Variants in CADM2 observed in about 807,000 individuals in gnomAD.
CADM2 encodes immunoglobulin superfamily member 4D.
CADM2 carries 12 observed loss-of-function variants against 49.8 expected under a neutral mutation model. The observed-to-expected ratio is 0.24, with a 90% CI of 0.15 to 0.39. The LOEUF (loss-of-function observed/expected upper bound fraction) is 0.39, where lower values mean the gene tolerates loss of function less well. Ranked by LOEUF, CADM2 falls within the 10% of genes least tolerant of loss-of-function variation. The pLI is 1.00. For synonymous variants in CADM2, 214 were observed against 175.4 expected, an observed-to-expected ratio of 1.22 and a Z score of -1.74; for missense variants, 378 against 492.3, an observed-to-expected ratio of 0.77 and a Z score of 2.20.
intron 1 of CADM2, among the ~76,000 whole-genome samples, chr3:85,699,107 A>G (rs1439021209): frequency 6.6e-6 from 1 of 152,202 alleles, no homozygotes; most frequent in African/African-American, 2.4e-5. Context: ...ATTAAACTTT[A>G]ATCTCCAAAA....
At chr3:85,311,958 G>A (rs1411798666) in intron 1 of CADM2, among the ~76,000 whole-genome samples, 2 of 152,168 alleles carry the variant, frequency 1.3e-5, no homozygotes, top group African/African-American at 2.4e-5. Context: ...TTAGGCAAGC[G>A]TCTACTCAAT....
intron 3 of CADM2, among the ~76,000 whole-genome samples, chr3:85,809,816 G>A (rs528706494): frequency 1.6e-5 from 2 of 127,656 alleles, no homozygotes; most frequent in Admixed American, 1.7e-4. Flanking sequence ...TTCTTTCTGT[G>A]GGAATTATAG....
At chr3:85,969,718 A>G (rs1400774984) in intron 8 of CADM2, among the ~76,000 whole-genome samples, 2 of 151,236 alleles carry the variant, frequency 1.3e-5, no homozygotes, top group Non-Finnish European at 3.0e-5. Flanking sequence ...CCTAGGAAAC[A>G]GATATTTTAT....
At chr3:85,164,028 G>A (rs1015317461) in intron 1 of CADM2, among the ~76,000 whole-genome samples, 2 of 151,900 alleles carry the variant, frequency 1.3e-5, no homozygotes, top group Admixed American at 6.6e-5. Flanking sequence ...GACTTTATAT[G>A]TTTTTGAAAA....
intron 1 of CADM2, among the ~76,000 whole-genome samples, chr3:85,128,023 G>A (rs2326225): frequency 0.33 from 49,422 of 152,050 alleles, 10,497 homozygotes; most frequent in Non-Finnish European, 0.47. Context: ...CTCAAGAAAC[G>A]CATGTGGCTA....
At chr3:85,804,957 GT>G (rs2072310482) in intron 3 of CADM2, among the ~76,000 whole-genome samples, 1 of 151,512 alleles carries the variant, frequency 6.6e-6, no homozygotes, top group African/African-American at 2.4e-5. Flanking sequence ...TTTTGGTTTT[GT>G]TTTGGGACAG....
chr3:85,403,244 A>G (rs187126916), intron 1 of CADM2, among the ~76,000 whole-genome samples: 165 of 152,252 alleles, frequency 1.1e-3, no homozygotes, highest in African/African-American at 3.3e-3. Context: ...ATGAAGCGAC[A>G]TTGTATTCTT....
At chr3:85,434,106 T>C (rs1367682883) in intron 1 of CADM2, among the ~76,000 whole-genome samples, 1 of 152,146 alleles carries the variant, frequency 6.6e-6, no homozygotes, top group Non-Finnish European at 1.5e-5. Flanking sequence ...ATCACTCTTA[T>C]GATATTTACC....
intron 1 of CADM2, among the ~76,000 whole-genome samples, chr3:85,152,191 T>C (rs1364049983): frequency 6.6e-6 from 1 of 152,158 alleles, no homozygotes; most frequent in Non-Finnish European, 1.5e-5. Context: ...ACATATTTCA[T>C]ATAATTTAAT....
chr3:85,236,349 T>C (rs2042407349), intron 1 of CADM2, among the ~76,000 whole-genome samples: 1 of 152,068 alleles, frequency 6.6e-6, no homozygotes, highest in Non-Finnish European at 1.5e-5. Flanking sequence ...GGAAGAAGGA[T>C]TAAGACGTCA....
chr3:85,399,351 T>G (rs571095588), intron 1 of CADM2, among the ~76,000 whole-genome samples: 12 of 152,270 alleles, frequency 7.9e-5, no homozygotes, highest in African/African-American at 2.6e-4. Context: ...GGTCTATATC[T>G]CTTTTTTCGT....
chr3:85,671,919 G>C (rs1460043447), intron 1 of CADM2, among the ~76,000 whole-genome samples: 2 of 151,910 alleles, frequency 1.3e-5, no homozygotes, highest in Admixed American at 6.6e-5. Flanking sequence ...TATATTTACT[G>C]GGTTATTATT....
At chr3:85,633,347 G>T (rs2064367759) in intron 1 of CADM2, among the ~76,000 whole-genome samples, 1 of 151,966 alleles carries the variant, frequency 6.6e-6, no homozygotes, top group Admixed American at 6.6e-5. Flanking sequence ...AGCAAGTCTA[G>T]CTTGCTGGAG....
intron 3 of CADM2, among the ~76,000 whole-genome samples, chr3:85,854,521 A>T (rs942496377): frequency 6.6e-6 from 1 of 152,148 alleles, no homozygotes; most frequent in African/African-American, 2.4e-5. Context: ...CAGCAAACTA[A>T]CAGAGGAGCA....
chr3:85,260,033 A>C (rs2042980117), intron 1 of CADM2, among the ~76,000 whole-genome samples: 1 of 152,234 alleles, frequency 6.6e-6, no homozygotes, highest in South Asian at 2.1e-4. Flanking sequence ...TGCCTCTTCA[A>C]GAGTCCTGTT....
intron 8 of CADM2, among the ~76,000 whole-genome samples, chr3:85,988,887 G>GAGAA: frequency 6.6e-6 from 1 of 152,268 alleles, no homozygotes; most frequent in African/African-American, 2.4e-5. Flanking sequence ...ATGGGCAAAA[G>GAGAA]AGAAAGCAAC....
At chr3:85,033,832 T>C (rs1429394358) in intron 1 of CADM2, among the ~76,000 whole-genome samples, 1 of 152,222 alleles carries the variant, frequency 6.6e-6, no homozygotes, top group Non-Finnish European at 1.5e-5. Flanking sequence ...CAAAAGCATA[T>C]GTAGGTTATT....
At chr3:85,275,194 C>A (rs1406089516) in intron 1 of CADM2, among the ~76,000 whole-genome samples, 1 of 151,512 alleles carries the variant, frequency 6.6e-6, no homozygotes, top group East Asian at 1.9e-4. Flanking sequence ...TGCTTTCTAA[C>A]AATGGCAATA....
intron 1 of CADM2, among the ~76,000 whole-genome samples, chr3:85,413,166 A>AAAAAAAC (rs34644072): frequency 8.6e-6 from 1 of 116,942 alleles, no homozygotes; most frequent in South Asian, 2.9e-4. Context: ...AAAAAAAATA[A>AAAAAAAC]TAATAATAAT....
Sources: gnomAD v4.1 joint callset for allele counts (sites outside exome capture counted in the v4.1 genomes callset) on GRCh38, gnomAD v4.1.1 for gene constraint, MANE v1.5 for transcripts, NCBI Gene and HGNC (gene_info 2026-07-23, HGNC 2026-07-21) for gene names.